Variants in ITSN1 observed in about 807,000 individuals in gnomAD.
ITSN1 encodes the protein intersectin 1, also known as intersectin-1.
Under a neutral mutation model 239.8 loss-of-function variants are expected in ITSN1, and 58 were observed. That is an observed-to-expected ratio of 0.24 (90% CI 0.20 to 0.30). The LOEUF is 0.30. Ranked by LOEUF, ITSN1 falls within the 10% of genes least tolerant of loss-of-function variation. The pLI is 1.00. For missense variants in ITSN1, 1,558 were observed against 2,103.3 expected (o/e 0.74, Z 5.07); for synonymous variants, 780 against 770.8 (o/e 1.01, Z -0.20).
At chr21:33,759,977 C>G (rs1386925382) in intron 8 of ITSN1, among the ~76,000 whole-genome samples, 1 of 151,920 alleles carries the variant, frequency 6.6e-6, no homozygotes, top group East Asian at 1.9e-4. Context: ...GTGGCGCATG[C>G]CTGTAGTCCC....
intron 4 of ITSN1, among the ~76,000 whole-genome samples, chr21:33,725,304 T>G (rs984223922): frequency 6.6e-6 from 1 of 151,666 alleles, no homozygotes; most frequent in Non-Finnish European, 1.5e-5. Flanking sequence ...CCTGGCTGAT[T>G]TTGGTATTTT....
At chr21:33,766,109 GACA>G in intron 10 of ITSN1, 97 bp downstream of exon 10, 1 of 1,316,380 alleles carries the variant, frequency 7.6e-7, no homozygotes, top group Non-Finnish European at 1.1e-6. Context: ...TTTCATCCCT[GACA>G]AGGAAACTAA....
Position 33,774,717 on chromosome 21 carries a change from T to C in ITSN1, c.1306-12T>C, listed in dbSNP as rs1178870664. ...CTGAAAAATTAGTAATTTGTCTCTG[T>C]AAATGTCACAGGCTGCAAAACGGGA... is the stretch of plus-strand genomic sequence containing the variant. On this transcript the variant is annotated splice_polypyrimidine_tract_variant and intron_variant, in intron 12 of 39. Transcript: ENST00000381318. 3 of 1,609,004 alleles carry C rather than the reference T, an allele frequency of 1.9e-6. No individual in the cohort carries two copies.
chr21:33,845,076 T>C (rs146128580), intron 29 of ITSN1, among the ~76,000 whole-genome samples: 121 of 151,894 alleles, frequency 8.0e-4, no homozygotes, highest in African/African-American at 2.7e-3. Flanking sequence ...AGGGCCGTGC[T>C]CAGCAGAACA....
At chr21:33,643,891 C>T (rs2087685790) in intron 1 of ITSN1, 1 of 152,208 alleles carries the variant, frequency 6.6e-6, no homozygotes, top group African/African-American at 2.4e-5. Context: ...TCAGTTCTGT[C>T]AGCGGGGAGG....
At chr21:33,704,963 T>G (rs1344776741) in intron 1 of ITSN1, among the ~76,000 whole-genome samples, 4 of 147,240 alleles carry the variant, frequency 2.7e-5, no homozygotes, top group Non-Finnish European at 4.5e-5. Context: ...ACAAAAACAT[T>G]AGCCAGGCGT....
chr21:33,821,894 G>A (rs1388438034), intron 24 of ITSN1, among the ~76,000 whole-genome samples: 2 of 152,204 alleles, frequency 1.3e-5, no homozygotes, highest in Non-Finnish European at 2.9e-5. Context: ...AAAATGAAAA[G>A]GGAAGGGTGA....
At chr21:33,760,411 T>C (rs2068227763) in intron 8 of ITSN1, among the ~76,000 whole-genome samples, 1 of 152,218 alleles carries the variant, frequency 6.6e-6, no homozygotes, top group South Asian at 2.1e-4. Flanking sequence ...GCTGTGTACA[T>C]GTGCACATGT....
At chr21:33,670,600 A>G (rs2090206596) in intron 1 of ITSN1, among the ~76,000 whole-genome samples, 1 of 152,272 alleles carries the variant, frequency 6.6e-6, no homozygotes, top group South Asian at 2.1e-4. Flanking sequence ...CATCCAGTGC[A>G]TACATGCATG....
chr21:33,725,236 A>G (rs1419230859), intron 4 of ITSN1, among the ~76,000 whole-genome samples: 2 of 147,408 alleles, frequency 1.4e-5, no homozygotes, highest in African/African-American at 2.5e-5. Flanking sequence ...CCCGGCTTCA[A>G]GCGATTCTCC....
At chr21:33,712,839 C>T (rs2092453607) in intron 1 of ITSN1, among the ~76,000 whole-genome samples, 2 of 152,224 alleles carry the variant, frequency 1.3e-5, no homozygotes, top group African/African-American at 4.8e-5. Flanking sequence ...TGTGTTCTGT[C>T]TGCTATAGCA....
At chr21:33,672,158 G>T (rs1431820137) in intron 1 of ITSN1, among the ~76,000 whole-genome samples, 4 of 151,800 alleles carry the variant, frequency 2.6e-5, no homozygotes, top group African/African-American at 9.7e-5. Context: ...CAGGAGAATC[G>T]CTTGAACCTG....
At chr21:33,746,426 A>C (rs2067186525) in intron 5 of ITSN1, among the ~76,000 whole-genome samples, 1 of 152,240 alleles carries the variant, frequency 6.6e-6, no homozygotes, top group African/African-American at 2.4e-5. Context: ...CGTTCAAAGA[A>C]CTGAAGAACT....
Position 33,858,727 on chromosome 21 carries a change from A to C in ITSN1, c.3825A>C (p.Glu1275Asp). 1 of 1,614,022 alleles carries C rather than the reference A, an allele frequency of 6.2e-7. No homozygotes were observed. The highest frequency in any genetic ancestry group is 8.5e-7 in the Non-Finnish European group (1 of 1,179,914). ...KPLMESELLT[E>D]KEVAMIFVNW... Reference sequence around the variant, plus strand: ...TGATGGAGTCTGAGCTGCTGACAGAAAAAGAGGTTGCTATGATTTTTGTGA... The same window carrying C: ...TGATGGAGTCTGAGCTGCTGACAGACAAAGAGGTTGCTATGATTTTTGTGA... The change falls in exon 31 of 40, where the codon GAA becomes GAC. Residue 1275 changes from glutamate to aspartate, a missense_variant. Around this residue, in one of 2 missense-constraint regions of ITSN1, gnomAD observed 576 missense variants for 893.3 expected, o/e 0.64. Coordinates refer to ENST00000381318, the MANE Select transcript of ITSN1 (RefSeq NM_003024.3).
At chr21:33,774,321 G>C (rs989217578) in intron 12 of ITSN1, 1 of 156,170 alleles carries the variant, frequency 6.4e-6, no homozygotes, top group Non-Finnish European at 1.4e-5. Flanking sequence ...TTTCTCTTTT[G>C]GTGGAGTAAA....
intron 1 of ITSN1, among the ~76,000 whole-genome samples, chr21:33,661,925 GTGAAAA>G (rs1248254277): frequency 1.3e-5 from 2 of 152,086 alleles, no homozygotes; most frequent in South Asian, 2.1e-4. Flanking sequence ...CCCAGTCTCG[GTGAAAA>G]TGAACTAATA....
In ITSN1 at chr21:33,662,890, C is replaced by T. The variant is rs898598493; in HGVS notation, c.-33+20177C>T. Among the ~76,000 whole-genome samples, 8 of 152,222 alleles carry T rather than the reference C, an allele frequency of 5.3e-5. No individual in the cohort carries two copies. The East Asian group carries it at 1.5e-3, about 29-fold the overall frequency. On this transcript the variant is annotated intron_variant, in intron 1 of 39. Transcript: ENST00000381318. The stretch of plus-strand genomic sequence containing the variant: ...ATTTTGTGAACTAGATGACAAGATC[C>T]TTGTGTTACAGATGAGGACCTCGAA...
chr21:33,842,081 G>C (rs1362979731), intron 29 of ITSN1, among the ~76,000 whole-genome samples: 1 of 151,894 alleles, frequency 6.6e-6, no homozygotes, highest in Non-Finnish European at 1.5e-5. Context: ...TTTTGTACTA[G>C]AGATGGGGTT....
At chr21:33,818,788 G>C (rs1218163640) in intron 23 of ITSN1, among the ~76,000 whole-genome samples, 1 of 152,168 alleles carries the variant, frequency 6.6e-6, no homozygotes, top group Non-Finnish European at 1.5e-5. Context: ...ACCCAGTGCT[G>C]TACCAGATAT....
Sources: gnomAD v4.1 joint callset for allele counts (sites outside exome capture counted in the v4.1 genomes callset) on GRCh38, gnomAD v4.1.1 for gene constraint, gnomAD v4.1.1 regional missense constraint, MANE v1.5 for transcripts, NCBI Gene and HGNC (gene_info 2026-07-23, HGNC 2026-07-21) for gene names.